CSMD1: variants seen among roughly 807,000 people sequenced by gnomAD.
CSMD1 encodes the protein CUB and Sushi multiple domains 1, also known as CUB and sushi domain-containing protein 1.
Under a neutral mutation model 417.5 loss-of-function variants are expected in CSMD1, and 213 were observed. The ratio of observed to expected loss-of-function variants is 0.51; its 90% CI spans 0.46 to 0.57. The LOEUF is 0.57. Among genes scored for constraint, CSMD1 ranks in the 20% least tolerant of loss-of-function variants. The pLI is 0.00. For missense variants in CSMD1, 6,923 were observed against 4,529.7 expected (o/e 1.53, Z -15.17); for synonymous variants, 2,862 against 1,736.8 (o/e 1.65, Z -16.11).
intron 4 of CSMD1, among the ~76,000 whole-genome samples, chr8:4,012,548 G>A (rs892823096): frequency 6.6e-6 from 1 of 152,090 alleles, no homozygotes; most frequent in African/African-American, 2.4e-5. Context: ...ACAGCACCTG[G>A]CAGGTAGTTA....
chr8:3,676,726 G>C (rs1315268102), intron 7 of CSMD1, among the ~76,000 whole-genome samples: 1 of 152,028 alleles, frequency 6.6e-6, no homozygotes, highest in Non-Finnish European at 1.5e-5. Flanking sequence ...TGTGATCATT[G>C]AAATACGTAT....
chr8:4,328,187 G>C (rs1365230196), intron 3 of CSMD1, among the ~76,000 whole-genome samples: 2 of 150,964 alleles, frequency 1.3e-5, no homozygotes, highest in Non-Finnish European at 2.9e-5. Flanking sequence ...AAGACAGTAA[G>C]TAAGCTTGTA....
chr8:3,932,315 C>T lies in CSMD1; in HGVS notation c.818+65588G>A, dbSNP rs891651304. On this transcript the variant is annotated intron_variant, in intron 5 of 69. Coordinates refer to ENST00000635120, the MANE Select transcript of CSMD1 (RefSeq NM_033225.6). ...TTTGTTGCTCAGTTAAACATGTGCT[C>T]ATGGTCTTTAAACTTTCCCCATTTA... is the stretch of plus-strand genomic sequence containing the variant. Among the ~76,000 whole-genome samples the T allele has an allele frequency of 6.0e-5, 9 of 150,578 alleles. 1 individual carries two copies. The highest frequency in any genetic ancestry group is 2.2e-4 in the African/African-American group (9 of 40,842).
chr8:3,854,237 A>C (rs1804134842), intron 5 of CSMD1, among the ~76,000 whole-genome samples: 1 of 150,572 alleles, frequency 6.6e-6, no homozygotes, highest in South Asian at 2.1e-4. Context: ...AACTTTCTTA[A>C]AATCTCAGGA....
intron 2 of CSMD1, among the ~76,000 whole-genome samples, chr8:4,620,259 C>T (rs1200779418): frequency 1.3e-5 from 2 of 151,480 alleles, no homozygotes; most frequent in African/African-American, 4.8e-5. Flanking sequence ...ATAACAATTG[C>T]TCTATCTAAA....
intron 9 of CSMD1, among the ~76,000 whole-genome samples, chr8:3,585,214 A>G (rs1008784602): frequency 6.6e-6 from 1 of 152,206 alleles, no homozygotes; most frequent in African/African-American, 2.4e-5. Context: ...CGTGTTTGGT[A>G]ACTAGTTATT....
intron 5 of CSMD1, among the ~76,000 whole-genome samples, chr8:3,850,332 C>T (rs1014879996): frequency 1.4e-5 from 2 of 147,642 alleles, no homozygotes; most frequent in Admixed American, 6.8e-5. Context: ...GGTCTCACCC[C>T]TGACTCTTTC....
chr8:4,331,948 T>A (rs553065165), intron 3 of CSMD1, among the ~76,000 whole-genome samples: 3 of 152,178 alleles, frequency 2.0e-5, no homozygotes, highest in African/African-American at 7.2e-5. Flanking sequence ...GACCATGGCA[T>A]TGGAATTCAT....
chr8:4,186,970 A>T (rs1798716184), intron 3 of CSMD1, among the ~76,000 whole-genome samples: 2 of 152,170 alleles, frequency 1.3e-5, no homozygotes, highest in South Asian at 4.1e-4. Context: ...TGACACAGCA[A>T]GATTCTGTCT....
At chr8:3,107,453 G>A (rs1250327089) in intron 45 of CSMD1, among the ~76,000 whole-genome samples, 1 of 151,740 alleles carries the variant, frequency 6.6e-6, no homozygotes, top group Non-Finnish European at 1.5e-5. Context: ...ATGTTGTAGA[G>A]GAAAAAAATG....
chr8:4,295,678 TATTATAC>T (rs1797636261), intron 3 of CSMD1, among the ~76,000 whole-genome samples: 1 of 143,850 alleles, frequency 7.0e-6, no homozygotes, highest in African/African-American at 2.5e-5. Flanking sequence ...ACATATGTTA[TATTATAC>T]ATGTTATATA....
intron 50 of CSMD1, among the ~76,000 whole-genome samples, chr8:3,039,021 G>C (rs962969917): frequency 6.6e-6 from 1 of 152,156 alleles, no homozygotes; most frequent in South Asian, 2.1e-4. Context: ...CAACTCTTGA[G>C]TACTTTGGAT....
chr8:4,684,514 A>C lies in CSMD1; in HGVS notation c.86-46956T>G, dbSNP rs539183503. 3.6e-4 allele frequency among the ~76,000 whole-genome samples: 55 copies of C among 152,126 alleles called. 1 individual carries two copies. The highest frequency in any genetic ancestry group is 7.4e-4 in the Non-Finnish European group (50 of 68,016). ...CTGGAGAGAGATTTACTTTCAAATA[A>C]ATCTCTGTTTTCAAAAAAACATAGA... On this transcript the variant is annotated intron_variant, in intron 1 of 69. Coordinates refer to ENST00000635120, the MANE Select transcript of CSMD1 (RefSeq NM_033225.6).
intron 9 of CSMD1, among the ~76,000 whole-genome samples, chr8:3,585,312 T>A (rs921622489): frequency 6.6e-6 from 1 of 152,210 alleles, no homozygotes; most frequent in Non-Finnish European, 1.5e-5. Flanking sequence ...TCCATTCACG[T>A]GAAAAGACTA....
intron 5 of CSMD1, among the ~76,000 whole-genome samples, chr8:3,981,957 T>G (rs2554724): frequency 0.53 from 80,079 of 151,556 alleles, 21,341 homozygotes; most frequent in East Asian, 0.62. Context: ...GGATCACAAG[T>G]TCAGGAGATT....
intron 26 of CSMD1, among the ~76,000 whole-genome samples, chr8:3,271,979 T>G (rs35630993): frequency 0.65 from 98,989 of 151,538 alleles, 32,462 homozygotes; most frequent in African/African-American, 0.67. Context: ...CTTTGCTTTT[T>G]GTGTTTGAGA....
At chr8:2,965,740 C>G (rs372679485) in intron 59 of CSMD1, 35 bp downstream of exon 59, 204 of 1,554,362 alleles carry the variant, frequency 1.3e-4, no homozygotes, top group Non-Finnish European at 1.7e-4. Context: ...GACTTCTATA[C>G]ACATCTGTAA....
intron 65 of CSMD1, among the ~76,000 whole-genome samples, chr8:2,951,735 C>A (rs569137626): frequency 3.1e-4 from 47 of 152,256 alleles, no homozygotes; most frequent in African/African-American, 1.1e-3. Context: ...GAGCAATGCC[C>A]TGTCTCGAAA....
At chr8:4,368,941 G>A (rs943142095) in intron 3 of CSMD1, among the ~76,000 whole-genome samples, 1 of 151,998 alleles carries the variant, frequency 6.6e-6, no homozygotes. Flanking sequence ...GATTTTAGCA[G>A]TTCAATTTCA....
Sources: allele counts gnomAD v4.1 joint callset (sites outside exome capture counted in the v4.1 genomes callset), GRCh38; gene constraint gnomAD v4.1.1; transcripts MANE v1.5; gene names NCBI Gene and HGNC (gene_info 2026-07-23, HGNC 2026-07-21).